Variants in SMARCC2 observed in about 807,000 individuals in gnomAD.
SMARCC2 encodes the protein SWI/SNF related BAF chromatin remodeling complex subunit C2.
SMARCC2 carries 15 observed loss-of-function variants against 151.3 expected under a neutral mutation model. That is an observed-to-expected ratio of 0.10 (90% confidence interval 0.07 to 0.15). SMARCC2 has a LOEUF of 0.15. SMARCC2 is among the 10% of genes least tolerant of loss of function. The pLI, the probability that SMARCC2 is intolerant of heterozygous loss-of-function variation, is 1.00. For synonymous variants in SMARCC2, 590 were observed against 609.5 expected, an observed-to-expected ratio of 0.97 and a Z score of 0.47; for missense variants, 1,031 against 1,599.7, an observed-to-expected ratio of 0.64 and a Z score of 6.06.
chr12:56,165,452 GC>G lies in SMARCC2; in HGVS notation c.3097del (p.Ala1033ProfsTer59). On this transcript the variant is annotated frameshift_variant, in exon 27 of 29. Coordinates refer to ENST00000550164, the MANE Select transcript of SMARCC2 (RefSeq NM_001330288.2). LOFTEE classifies it high-confidence loss of function. ...SVVPAPAGSG[A>X]PPGSLGPSEQ... ...AGAAGGGCCCAAACTTCCTGGAGGG[GC>G]CCCACTGCCAGCAGGAGCAGGGACT... The G allele has an allele frequency of 1.3e-6, 2 of 1,536,746 alleles. No homozygotes were observed. Among genetic ancestry groups the G allele is most frequent in the African/African-American group, 1.4e-5 (1 of 72,718 alleles).
In SMARCC2 at chr12:56,180,952, C is replaced by T. The variant is rs2135731056; in HGVS notation, c.1081+25G>A. 4.4e-6 allele frequency: 7 copies of T among 1,597,058 alleles called. No homozygotes were observed. The South Asian group carries it at 7.8e-5, about 18-fold the overall frequency. On this transcript the variant is annotated intron_variant, in intron 11 of 28. Transcript: ENST00000550164. Reference sequence around the variant, plus strand: ...GTCAAGACGGGGAGTGGGGGTGGATCCCAGGAGCTCAGCCTGGCCTGTACC... The same window carrying T: ...GTCAAGACGGGGAGTGGGGGTGGATTCCAGGAGCTCAGCCTGGCCTGTACC...
Position 56,162,394 on chromosome 12 carries a change from AAAAGAAAG to A in SMARCC2, c.*1287_*1294del. 2 of 648,014 alleles carry A rather than the reference AAAAGAAAG, an allele frequency of 3.1e-6. No individual in the cohort carries two copies. The highest frequency in any genetic ancestry group is 5.4e-6 in the Non-Finnish European group (2 of 367,300). 40.1% of individuals were successfully genotyped at this position (648,014 alleles called of 1,614,324 possible). ...AGCAAATTAATTTATAAAAAAAAAA[AAAAGAAAG>A]AAAGAAAAAAAGAGAAAATTTACAG... On this transcript the variant is annotated 3_prime_UTR_variant, in exon 29 of 29. Coordinates refer to ENST00000550164, the MANE Select transcript of SMARCC2 (RefSeq NM_001330288.2).
In SMARCC2 at chr12:56,174,719, G is replaced by A. The variant is rs202209873; in HGVS notation, c.1428C>T (p.Asn476=). 8.5e-5 allele frequency: 137 copies of A among 1,613,892 alleles called. 1 individual carries two copies. Among genetic ancestry groups the A allele is most frequent in the Admixed American group, 5.0e-5 (3 of 59,984 alleles). The change falls in exon 16 of 29, where the codon AAC becomes AAT. Residue 476 remains asparagine, a synonymous_variant. Transcript: ENST00000550164. ...RNFMIDTYRL[N]PQEYLTSTAC... ...CGGTAGAGGTAAGATACTCTTGGGG[G>A]TTCAGTCGGTAAGTGTCAATCATAA...
In SMARCC2 at chr12:56,186,228, G is replaced by C. The variant is rs1379707447; in HGVS notation, c.244C>G (p.Leu82Val). 1 of 1,609,042 alleles carries C rather than the reference G, an allele frequency of 6.2e-7. No individual in the cohort carries two copies. ...PLTKLPIKCFLDFKAGGSLCH... is the reference protein window; with the variant it reads ...PLTKLPIKCFVDFKAGGSLCH... The stretch of plus-strand genomic sequence containing the variant: ...AAGGAGCCTCCCGCTTTGAAATCTA[G>C]GAAACATTTGATCTACAAAATCAAG... Residue 82 changes from leucine to valine, a missense_variant, in exon 3 of 29, where the codon CTA becomes GTA. Transcript: ENST00000550164.
chr12:56,167,623 G>T (rs902097372), intron 26 of SMARCC2, among the ~76,000 whole-genome samples: 1 of 151,918 alleles, frequency 6.6e-6, no homozygotes, highest in African/African-American at 2.4e-5. Context: ...CTCATCATCC[G>T]TTACGCCCAT....
chr12:56,170,036 C>T, intron 23 of SMARCC2, 108 bp downstream of exon 23: 1 of 1,425,504 alleles, frequency 7.0e-7, no homozygotes, highest in Non-Finnish European at 9.9e-7. Context: ...TTCTAGGAGA[C>T]AACCCCGTCC....
chr12:56,178,882 C>A, intron 12 of SMARCC2, 35 bp from the exon 13 acceptor site: 1 of 1,612,344 alleles, frequency 6.2e-7, no homozygotes. Context: ...AGGCTGGAGC[C>A]TCCTGAGGGG....
intron 15 of SMARCC2, among the ~76,000 whole-genome samples, chr12:56,175,627 T>C (rs1276545423): frequency 6.6e-6 from 1 of 152,164 alleles, no homozygotes; most frequent in South Asian, 2.1e-4. Context: ...TGTGGTACAG[T>C]GTAAAGTTTC....
intron 10 of SMARCC2, 169 bp downstream of exon 10, chr12:56,181,313 T>A (rs1465184208): frequency 6.2e-6 from 4 of 648,796 alleles, no homozygotes; most frequent in African/African-American, 1.8e-5. Flanking sequence ...GAACCAGAAC[T>A]AACAACTGAG....
intron 25 of SMARCC2, among the ~76,000 whole-genome samples, chr12:56,168,878 G>A (rs1441710692): frequency 6.6e-6 from 1 of 152,146 alleles, no homozygotes; most frequent in Non-Finnish European, 1.5e-5. Context: ...TACTTGGGAG[G>A]CTGAGGTGGG....
chr12:56,174,259 GCCA>G (rs1267532009), intron 16 of SMARCC2, among the ~76,000 whole-genome samples: 1 of 152,158 alleles, frequency 6.6e-6, no homozygotes, highest in East Asian at 1.9e-4. Context: ...ACAGGCACGT[GCCA>G]CCATGCCTAG....
intron 25 of SMARCC2, among the ~76,000 whole-genome samples, 191 bp downstream of exon 25, chr12:56,169,338 C>T (rs1873458111): frequency 6.6e-6 from 1 of 152,218 alleles, no homozygotes; most frequent in Non-Finnish European, 1.5e-5. Flanking sequence ...GGGTTGAAAA[C>T]AGGCCCAATG....
Position 56,181,578 on chromosome 12 carries a change from T to G in SMARCC2, c.860A>C (p.Asp287Ala). 1 of 1,595,866 alleles carries G rather than the reference T, an allele frequency of 6.3e-7. No homozygotes were observed. Among genetic ancestry groups the G allele is most frequent in the Non-Finnish European group, 8.5e-7 (1 of 1,170,724 alleles). Residue 287 changes from aspartate (D) to alanine (A), a missense_variant, in exon 10 of 29, where the codon GAT becomes GCT. Around this residue, in one of 12 missense-constraint regions of SMARCC2, gnomAD observed 123 missense variants for 190.4 expected, o/e 0.65. Transcript: ENST00000550164. ...GTTTCCCCCCTTCTTGTCCCGTCGA[T>G]CTGAATCTGGGCTGTTCACCTATAG... ...LTDEVNSPDS[D>A]RRDKKGGNYK...
chr12:56,180,044 T>C (rs971991326), intron 11 of SMARCC2, among the ~76,000 whole-genome samples: 12 of 152,194 alleles, frequency 7.9e-5, no homozygotes, highest in Admixed American at 3.3e-4. Flanking sequence ...TGTTTGTGTT[T>C]TAAAACGTTC....
rs746537580 is a variant in SMARCC2 at position 56,182,018 on chromosome 12, C to G, written c.694G>C (p.Glu232Gln). ...GAAAAGCTCACCTTCCTAGGTTTCT[C>G]AGGAGTTGGAGCATCTTCCACAGAT... is the stretch of plus-strand genomic sequence containing the variant. ...EASVEDAPTP[E>Q]KPRKVHAKWI... The change falls in exon 8 of 29, where the codon GAG (glutamate) becomes CAG (glutamine). Residue 232 changes from glutamate to glutamine, a missense_variant. Physicochemically the swap from Glu to Gln is conservative, Grantham distance 29. Transcript: ENST00000550164. 9.3e-6 allele frequency: 15 copies of G among 1,611,418 alleles called. No homozygotes were observed. Among genetic ancestry groups the G allele is most frequent in the African/African-American group, 1.3e-5 (1 of 74,754 alleles).
At chr12:56,167,417 G>A (rs1873010668) in intron 26 of SMARCC2, among the ~76,000 whole-genome samples, 2 of 152,142 alleles carry the variant, frequency 1.3e-5, no homozygotes, top group South Asian at 4.1e-4. Context: ...TACCCAGGCT[G>A]GTCTTGAACT....
At chr12:56,172,189 C>T (rs1450591063) in intron 20 of SMARCC2, 8 of 551,272 alleles carry the variant, frequency 1.5e-5, no homozygotes, top group African/African-American at 1.9e-5. Context: ...TCAAGCAATC[C>T]TCCCACTTAG....
At position 56,171,609 on chromosome 12, in the gene SMARCC2, TCA is replaced by T. The variant is rs759413108; in HGVS notation, c.2185+68_2185+69del. On this transcript the variant is annotated intron_variant, in intron 21 of 28. Transcript: ENST00000550164. The surrounding 1 kb of genome is among the most constrained non-coding windows in gnomAD (Gnocchi z 4.2). The stretch of plus-strand genomic sequence containing the variant: ...GCAGGGCAGCCAAACTTGAGAGGAT[TCA>T]CAGTCTGAGTAACTAGCCCTTCAAA... The T allele has an allele frequency of 1.6e-5, 24 of 1,512,638 alleles. No homozygotes were observed. Among genetic ancestry groups the T allele is most frequent in the Non-Finnish European group, 2.0e-5 (23 of 1,127,650 alleles). 93.7% of individuals were successfully genotyped at this position (1,512,638 alleles called of 1,614,324 possible).
chr12:56,169,923 G>A lies in SMARCC2; in HGVS notation c.2413-12C>T, dbSNP rs1873590203. 2.5e-6 allele frequency: 4 copies of A among 1,612,618 alleles called. No homozygotes were observed. Among genetic ancestry groups the A allele is most frequent in the Non-Finnish European group, 1.7e-6 (2 of 1,179,460 alleles). On this transcript the variant is annotated splice_polypyrimidine_tract_variant and intron_variant, in intron 23 of 28. Coordinates refer to ENST00000550164, the MANE Select transcript of SMARCC2 (RefSeq NM_001330288.2). ...CCTTCTCGGGGTTCCTGAAATTCCA[G>A]TGATAGAAAAGGAGAGTTATCAGGG...
Sources: allele counts gnomAD v4.1 joint callset (sites outside exome capture counted in the v4.1 genomes callset), GRCh38; gene constraint gnomAD v4.1.1; regional missense constraint gnomAD v4.1.1; non-coding constraint Gnocchi (gnomAD v3.1); transcripts MANE v1.5; gene names NCBI Gene and HGNC (gene_info 2026-07-23, HGNC 2026-07-21).